Variants in NEK1 observed in about 807,000 individuals in gnomAD.
The protein encoded by NEK1 is NIMA related kinase 1, also known as serine/threonine-protein kinase Nek1.
Under a neutral mutation model 182.1 loss-of-function variants are expected in NEK1, and 137 were observed. The ratio of observed to expected loss-of-function variants is 0.75; its 90% CI spans 0.65 to 0.87. NEK1 has a LOEUF of 0.87. NEK1 is among the 40% of genes least tolerant of loss of function. The pLI is 0.00. For synonymous variants in NEK1, 513 were observed against 492.2 expected (o/e 1.04, Z -0.56); for missense variants, 1,391 against 1,494.4 (o/e 0.93, Z 1.14).
intron 19 of NEK1, among the ~76,000 whole-genome samples, chr4:169,533,000 G>C (rs570283587): frequency 2.0e-5 from 3 of 152,182 alleles, no homozygotes; most frequent in Admixed American, 6.5e-5. Flanking sequence ...CCTCTACTTA[G>C]TCTAATCTAC....
At chr4:169,463,631 G>A (rs1344242772) in intron 26 of NEK1, among the ~76,000 whole-genome samples, 1 of 152,030 alleles carries the variant, frequency 6.6e-6, no homozygotes, top group Non-Finnish European at 1.5e-5. Context: ...TAGTTTTGGG[G>A]AATATAAAAA....
At chr4:169,587,898 C>G (rs1181568702) in intron 8 of NEK1, among the ~76,000 whole-genome samples, 1 of 151,870 alleles carries the variant, frequency 6.6e-6, no homozygotes, top group Non-Finnish European at 1.5e-5. Flanking sequence ...TTTCATAAAA[C>G]TCAAACTTTT....
At chr4:169,609,089 T>C (rs909082525) in intron 2 of NEK1, among the ~76,000 whole-genome samples, 1 of 142,200 alleles carries the variant, frequency 7.0e-6, no homozygotes, top group Non-Finnish European at 1.5e-5. Flanking sequence ...GAAGAAGAAA[T>C]ACAATTTTAA....
chr4:169,571,219 T>A (rs1011000896), intron 12 of NEK1, among the ~76,000 whole-genome samples: 9 of 142,410 alleles, frequency 6.3e-5, no homozygotes, highest in Admixed American at 6.9e-5. Context: ...AATAAATAAA[T>A]AAAAAGAATA....
chr4:169,589,436 A>C lies in NEK1; in HGVS notation c.464+11T>G. 7.0e-7 allele frequency: 1 copy of C among 1,432,330 alleles called. No homozygotes were observed. Among genetic ancestry groups the C allele is most frequent in the Non-Finnish European group, 9.5e-7 (1 of 1,048,488 alleles). 88.7% of individuals were successfully genotyped at this position (1,432,330 alleles called of 1,614,324 possible). On this transcript the variant is annotated intron_variant, in intron 7 of 35. Coordinates refer to ENST00000507142, the MANE Select transcript of NEK1 (RefSeq NM_001199397.3). ...ACATTATATCAAAACAAAGTTTAAA[A>C]TTCATGTTACCTATTAAGAACTCTA...
chr4:169,400,038 G>C, intron 35 of NEK1, 187 bp downstream of exon 35: 1 of 661,622 alleles, frequency 1.5e-6, no homozygotes. Flanking sequence ...AAGGACTTAA[G>C]TCAGTAAAAG....
At chr4:169,435,040 A>G (rs945072867) in intron 28 of NEK1, among the ~76,000 whole-genome samples, 1 of 152,152 alleles carries the variant, frequency 6.6e-6, no homozygotes, top group Admixed American at 6.5e-5. Flanking sequence ...TTTCTTTTTT[A>G]AAGAAAAGGC....
intron 27 of NEK1, among the ~76,000 whole-genome samples, chr4:169,456,371 C>A (rs932857782): frequency 2.6e-5 from 4 of 151,838 alleles, no homozygotes; most frequent in Non-Finnish European, 5.9e-5. Flanking sequence ...AAGATGAGTG[C>A]AGAAATAAAT....
chr4:169,548,713 T>C (rs1279360086), intron 18 of NEK1, among the ~76,000 whole-genome samples: 1 of 152,352 alleles, frequency 6.6e-6, no homozygotes, highest in East Asian at 1.9e-4. Context: ...GTGGCCTTGA[T>C]GAGCTGCGGT....
At chr4:169,490,192 C>T (rs1047850441) in intron 23 of NEK1, among the ~76,000 whole-genome samples, 1 of 152,166 alleles carries the variant, frequency 6.6e-6, no homozygotes. Flanking sequence ...TTGATTACAA[C>T]TGAAGGAGCT....
chr4:169,529,393 A>G (rs1044353162), intron 19 of NEK1, among the ~76,000 whole-genome samples: 1 of 152,196 alleles, frequency 6.6e-6, no homozygotes, highest in African/African-American at 2.4e-5. Flanking sequence ...TTAAGGGAGT[A>G]CATTTTATGT....
chr4:169,611,734 G>A (rs904429135), intron 2 of NEK1, among the ~76,000 whole-genome samples: 10 of 152,166 alleles, frequency 6.6e-5, no homozygotes, highest in Non-Finnish European at 1.5e-4. Flanking sequence ...AGTAATTTAA[G>A]ATTGGACACA....
intron 13 of NEK1, 91 bp downstream of exon 13, chr4:169,562,046 G>C (rs1763004323): frequency 8.6e-7 from 1 of 1,156,792 alleles, no homozygotes; most frequent in Middle Eastern, 2.7e-4. Flanking sequence ...AAGAAATAAG[G>C]AAAGGTTTGG....
rs1232495722 is a variant in NEK1 at position 169,567,275 on chromosome 4, G to GT, written c.1021-5080dup. ...TACTTACTTTTTCTTTTCTTCAAAT[G>GT]TTTTTTTCATTGTGGTAAAATACAT... On this transcript the variant is annotated intron_variant, in intron 12 of 35. Transcript: ENST00000507142. 2.7e-5 allele frequency among the ~76,000 whole-genome samples: 4 copies of GT among 150,264 alleles called. No individual in the cohort carries two copies. In the East Asian group the frequency reaches 7.8e-4, roughly 29 times the overall value.
chr4:169,488,857 A>G (rs1484364557), intron 23 of NEK1, among the ~76,000 whole-genome samples: 1 of 152,048 alleles, frequency 6.6e-6, no homozygotes, highest in African/African-American at 2.4e-5. Context: ...AAATAACTTT[A>G]ATCAATTTTT....
At chr4:169,567,407 T>A (rs1012066422) in intron 12 of NEK1, among the ~76,000 whole-genome samples, 10 of 150,406 alleles carry the variant, frequency 6.6e-5, no homozygotes, top group African/African-American at 2.5e-4. Flanking sequence ...AAAAAAAAAT[T>A]TTTTTTTTTT....
Position 169,420,528 on chromosome 4 carries a change from A to T in NEK1, c.3222+4025T>A, listed in dbSNP as rs553407521. On this transcript the variant is annotated intron_variant, in intron 31 of 35. Transcript: ENST00000507142. Reference sequence around the variant, plus strand: ...TGTGAGTAATGCACTACACTGTGACACTACGATGTCATTAGGTGGTGAGAG... The same window carrying T: ...TGTGAGTAATGCACTACACTGTGACTCTACGATGTCATTAGGTGGTGAGAG... Among the ~76,000 whole-genome samples, 5 of 152,332 alleles carry T rather than the reference A, an allele frequency of 3.3e-5. No homozygotes were observed. In the South Asian group the frequency reaches 6.2e-4, roughly 19 times the overall value.
At chr4:169,557,622 G>A (rs564713397) in intron 16 of NEK1, among the ~76,000 whole-genome samples, 1 of 152,176 alleles carries the variant, frequency 6.6e-6, no homozygotes, top group East Asian at 1.9e-4. Context: ...ACATCTTAAG[G>A]AAAATGCCTG....
intron 31 of NEK1, among the ~76,000 whole-genome samples, chr4:169,409,012 G>A (rs988615926): frequency 2.0e-5 from 3 of 152,110 alleles, no homozygotes; most frequent in African/African-American, 7.2e-5. Flanking sequence ...TGGATCGAAT[G>A]GTAGTTCTAC....
Sources: allele counts gnomAD v4.1 joint callset (sites outside exome capture counted in the v4.1 genomes callset), GRCh38; gene constraint gnomAD v4.1.1; transcripts MANE v1.5; gene names NCBI Gene and HGNC (gene_info 2026-07-23, HGNC 2026-07-21).